Variants in KIAA1217 observed in about 807,000 individuals in gnomAD.
KIAA1217 encodes KIAA1217.
In KIAA1217, 88 loss-of-function variants were observed where a neutral mutation model predicts 163.9. The ratio of observed to expected loss-of-function variants is 0.54; its 90% CI spans 0.45 to 0.64. The LOEUF (loss-of-function observed/expected upper bound fraction) is 0.64. Ranked by LOEUF, KIAA1217 falls within the 30% of genes least tolerant of loss-of-function variation. The probability of loss-of-function intolerance (pLI) is 0.00; values close to 1 mark genes in which losing one functional copy is unlikely to be tolerated. For synonymous variants in KIAA1217, 903 were observed against 923.1 expected, an observed-to-expected ratio of 0.98 and a Z score of 0.39; for missense variants, 2,372 against 2,475.0, an observed-to-expected ratio of 0.96 and a Z score of 0.88.
chr10:23,890,791 G>A (rs1412380593), intron 1 of KIAA1217, among the ~76,000 whole-genome samples: 1 of 151,940 alleles, frequency 6.6e-6, no homozygotes, highest in Non-Finnish European at 1.5e-5. Context: ...CAGATCTTCT[G>A]TATCCTTACT....
Position 23,951,627 on chromosome 10 carries a change from TGCAA to T in KIAA1217, c.-320-55572_-320-55569del, listed in dbSNP as rs34524670. Among the ~76,000 whole-genome samples, 172 of 151,422 alleles carry T rather than the reference TGCAA, an allele frequency of 1.1e-3. 3 individuals are homozygous for T. In the South Asian group the frequency reaches 0.028, roughly 24 times the overall value. The stretch of plus-strand genomic sequence containing the variant: ...ATGATTGTACCACTGCACTCCAGCC[TGCAA>T]GCAAGCAAGCAAGCAAGCAAGCAAG... On this transcript the variant is annotated intron_variant, in intron 1 of 18. Coordinates refer to the KIAA1217 transcript ENST00000376462.
At chr10:23,746,029 G>A (rs915034541) in intron 1 of KIAA1217, among the ~76,000 whole-genome samples, 85 of 152,132 alleles carry the variant, frequency 5.6e-4, no homozygotes, top group African/African-American at 1.9e-3. Flanking sequence ...ACTTATTGCT[G>A]CCATTTGTTT....
intron 1 of KIAA1217, among the ~76,000 whole-genome samples, chr10:23,805,217 G>C (rs76576376): frequency 1.3e-5 from 2 of 152,086 alleles, no homozygotes; most frequent in Non-Finnish European, 2.9e-5. Flanking sequence ...ACATACATGC[G>C]TATGTTCATT....
chr10:24,354,401 T>G (rs1244430631), intron 2 of KIAA1217, among the ~76,000 whole-genome samples: 1 of 152,138 alleles, frequency 6.6e-6, no homozygotes, highest in Non-Finnish European at 1.5e-5. Flanking sequence ...GGCCCCACAG[T>G]AGCATCTAGG....
intron 1 of KIAA1217, among the ~76,000 whole-genome samples, chr10:23,898,167 G>T (rs1484968916): frequency 6.6e-6 from 1 of 151,932 alleles, no homozygotes; most frequent in East Asian, 1.9e-4. Context: ...AGGATACCGG[G>T]TACTTTATTG....
intron 10 of KIAA1217, among the ~76,000 whole-genome samples, chr10:24,516,607 T>A (rs2070210404): frequency 6.6e-6 from 1 of 152,206 alleles, no homozygotes; most frequent in Non-Finnish European, 1.5e-5. Context: ...GTTTGGTTTT[T>A]GTTTTTGATC....
chr10:23,783,801 T>A (rs1475980346), intron 1 of KIAA1217, among the ~76,000 whole-genome samples: 2 of 152,110 alleles, frequency 1.3e-5, no homozygotes, highest in Non-Finnish European at 2.9e-5. Flanking sequence ...AGGTTGTGTG[T>A]TCCTAAGAAT....
At chr10:24,064,948 T>C (rs2060879711) in intron 2 of KIAA1217, among the ~76,000 whole-genome samples, 1 of 152,162 alleles carries the variant, frequency 6.6e-6, no homozygotes, top group Non-Finnish European at 1.5e-5. Context: ...TATAGTATTC[T>C]CTGATGGTAG....
At chr10:24,362,516 A>G (rs536875659) in intron 2 of KIAA1217, among the ~76,000 whole-genome samples, 1 of 152,378 alleles carries the variant, frequency 6.6e-6, no homozygotes, top group Admixed American at 6.5e-5. Context: ...TCATGTTGGA[A>G]GATATGCTGG....
intron 1 of KIAA1217, among the ~76,000 whole-genome samples, chr10:23,698,512 A>G (rs1031559664): frequency 5.3e-5 from 8 of 152,218 alleles, no homozygotes; most frequent in African/African-American, 1.9e-4. Context: ...GGCAAGAAGC[A>G]CACTCTAGGA....
intron 1 of KIAA1217, among the ~76,000 whole-genome samples, chr10:23,817,016 T>C (rs1400189717): frequency 6.6e-6 from 1 of 152,262 alleles, no homozygotes; most frequent in Non-Finnish European, 1.5e-5. Flanking sequence ...GAATATGTAT[T>C]GCAGAAGTAC....
chr10:23,952,144 T>C (rs187972806), intron 1 of KIAA1217, among the ~76,000 whole-genome samples: 97 of 152,334 alleles, frequency 6.4e-4, no homozygotes, highest in Admixed American at 2.0e-3. Flanking sequence ...AACCAGAGAC[T>C]AACTCTAATG....
At chr10:24,033,022 G>A (rs144431362) in intron 2 of KIAA1217, among the ~76,000 whole-genome samples, 60 of 152,216 alleles carry the variant, frequency 3.9e-4, no homozygotes, top group Non-Finnish European at 7.2e-4. Context: ...CAGATAAGTC[G>A]TTCAGCCTTC....
chr10:23,802,984 G>A (rs1588851378), intron 1 of KIAA1217, among the ~76,000 whole-genome samples: 3 of 152,136 alleles, frequency 2.0e-5, no homozygotes, highest in South Asian at 2.1e-4. Context: ...CACCCCATGA[G>A]GTAGGTGCTA....
At chr10:23,737,768 A>C in intron 1 of KIAA1217, among the ~76,000 whole-genome samples, 1 of 152,232 alleles carries the variant, frequency 6.6e-6, no homozygotes, top group Admixed American at 6.5e-5. Context: ...TTAATGAATT[A>C]ATTTAAGTAC....
chr10:24,448,222 A>T (rs2061112089), intron 5 of KIAA1217, among the ~76,000 whole-genome samples: 1 of 151,296 alleles, frequency 6.6e-6, no homozygotes, highest in South Asian at 2.2e-4. Flanking sequence ...TCAGAAATAC[A>T]CAGTTATCTA....
chr10:24,159,799 T>C (rs1329699852), intron 2 of KIAA1217, among the ~76,000 whole-genome samples: 1 of 152,080 alleles, frequency 6.6e-6, no homozygotes, highest in Non-Finnish European at 1.5e-5. Flanking sequence ...AAAAATAGTT[T>C]TGAAGTTTTA....
At chr10:24,407,257 CGT>C (rs10545826) in intron 3 of KIAA1217, among the ~76,000 whole-genome samples, 12,555 of 147,362 alleles carry the variant, frequency 0.085, 552 homozygotes, top group African/African-American at 0.12. Flanking sequence ...GATGAAGATA[CGT>C]GTGTGTGTGT....
rs149388964 is a variant in KIAA1217 at position 24,216,659 on chromosome 10, T to G, written c.71-2967T>G. Among the ~76,000 whole-genome samples the G allele has an allele frequency of 3.7e-3, 558 of 151,644 alleles. 5 individuals are homozygous for G. Among genetic ancestry groups the G allele is most frequent in the African/African-American group, 0.013 (525 of 41,306 alleles). On this transcript the variant is annotated intron_variant, in intron 1 of 20. Coordinates refer to ENST00000376454, the MANE Select transcript of KIAA1217 (RefSeq NM_019590.5). Reference sequence around the variant, plus strand: ...CTGGCCAACATGGTGAAACCCCATCTCTATTAGAAATACAAAAATTAGCCG... The same window carrying G: ...CTGGCCAACATGGTGAAACCCCATCGCTATTAGAAATACAAAAATTAGCCG...
Sources: allele counts gnomAD v4.1 joint callset (sites outside exome capture counted in the v4.1 genomes callset), GRCh38; gene constraint gnomAD v4.1.1; transcripts MANE v1.5; gene names NCBI Gene and HGNC (gene_info 2026-07-23, HGNC 2026-07-21).